BICD2: variants seen among roughly 807,000 people sequenced by gnomAD.
BICD2 encodes the protein protein bicaudal D homolog 2.
BICD2 carries 25 observed loss-of-function variants against 72.9 expected under a neutral mutation model. The ratio of observed to expected loss-of-function variants is 0.34; its 90% CI spans 0.25 to 0.48. BICD2 has a LOEUF of 0.48. BICD2 is among the 20% of genes least tolerant of loss of function. The pLI is 0.99. For missense variants in BICD2, 894 were observed against 1,175.2 expected (o/e 0.76, Z 3.50); for synonymous variants, 501 against 516.1 (o/e 0.97, Z 0.40).
chr9:92,722,580 G>A (rs1035673550), intron 3 of BICD2, 76 bp downstream of exon 3: 5 of 1,590,498 alleles, frequency 3.1e-6, no homozygotes, highest in Non-Finnish European at 4.3e-6. Flanking sequence ...TCCCAACAGG[G>A]AGAGGGGCTG....
At chr9:92,752,794 T>A (rs908929241) in intron 1 of BICD2, among the ~76,000 whole-genome samples, 1 of 152,102 alleles carries the variant, frequency 6.6e-6, no homozygotes, top group African/African-American at 2.4e-5. Flanking sequence ...TGAGTCTACA[T>A]TGATATAATA....
rs756411154 is a variant in BICD2, at chr9:92,718,974, G to C, written c.1671C>G (p.Tyr557Ter). 6.2e-7 allele frequency: 1 copy of C among 1,610,876 alleles called. No homozygotes were observed. Among genetic ancestry groups the C allele is most frequent in the Admixed American group, 1.7e-5 (1 of 60,020 alleles). ...GGCCGGCCCCGCCCTGGCCCTCGCG[G>C]TAGTAGTCCAGCATGACACGGTTGG... ...ETPNRVMLDY[Y>*]REGQGGAGRT... Residue 557 changes from tyrosine (Y) to a stop codon, truncating the protein, a stop_gained, in exon 5 of 7, where the codon TAC (tyrosine) becomes TAG (stop). Transcript: ENST00000356884. LOFTEE classifies it high-confidence loss of function.
chr9:92,718,024 G>A (rs1360380952), intron 5 of BICD2, 76 bp from the exon 6 acceptor site: 15 of 1,528,442 alleles, frequency 9.8e-6, no homozygotes, highest in South Asian at 1.2e-5. Context: ...GCAGGATCGG[G>A]AGCCCCGGTC....
In BICD2 at chr9:92,744,052, C is replaced by A. The variant is rs529509334; in HGVS notation, c.241-14816G>T. Among the ~76,000 whole-genome samples the A allele has an allele frequency of 2.6e-5, 4 of 152,282 alleles. No individual in the cohort carries two copies. The South Asian group carries it at 8.3e-4, about 32-fold the overall frequency. ...CTGCTGTGCTCCTCTAGAAGAAAGC[C>A]TGCCCTATGTCACCCTAGCCAGTCC... On this transcript the variant is annotated intron_variant, in intron 1 of 6. Coordinates refer to ENST00000356884, the MANE Select transcript of BICD2 (RefSeq NM_001003800.2).
chr9:92,714,938 G>A lies in BICD2; in HGVS notation c.*216C>T. Reference sequence around the variant, plus strand: ...CTGACCCCCACCTAAGAGAGCAGCTGAGGACTGGGTGCTCCTGAGGGGGCT... The same window carrying A: ...CTGACCCCCACCTAAGAGAGCAGCTAAGGACTGGGTGCTCCTGAGGGGGCT... On this transcript the variant is annotated 3_prime_UTR_variant, in exon 7 of 7. Coordinates refer to ENST00000356884, the MANE Select transcript of BICD2 (RefSeq NM_001003800.2). The A allele has an allele frequency of 7.3e-7, 1 of 1,377,714 alleles. No homozygotes were observed. The highest frequency in any genetic ancestry group is 3.3e-5 in the Admixed American group (1 of 30,054). 85.3% of individuals were successfully genotyped at this position (1,377,714 alleles called of 1,614,324 possible).
rs1277654035 is a variant in BICD2 at position 92,729,038 on chromosome 9, G to C, written c.439C>G (p.Gln147Glu). 6.2e-7 allele frequency: 1 copy of C among 1,613,934 alleles called. No individual in the cohort carries two copies. Among genetic ancestry groups the C allele is most frequent in the African/African-American group, 1.3e-5 (1 of 74,932 alleles). Residue 147 changes from glutamine to glutamate, a missense_variant, in exon 2 of 7, where the codon CAG (glutamine) becomes GAG (glutamate). Coordinates refer to ENST00000356884, the MANE Select transcript of BICD2 (RefSeq NM_001003800.2). The part of the protein sequence containing the change: ...SENERLASVA[Q>E]ELKEINQNVE... ...CACCCCCTCACCTCCTTCAGCTCCT[G>C]GGCCACAGAGGCCAGGCGCTCATTC... is the stretch of plus-strand genomic sequence containing the variant.
chr9:92,764,422 A>G lies in BICD2; in HGVS notation c.240+83T>C. On this transcript the variant is annotated intron_variant, in intron 1 of 6. Coordinates refer to ENST00000356884, the MANE Select transcript of BICD2 (RefSeq NM_001003800.2). The surrounding 1 kb of genome is among the most constrained non-coding windows in gnomAD (Gnocchi z 5.5). ...CTGCCGGCCCCCGCTTGGCAAGCTG[A>G]CCTTGGCCGCCCTGGTGCCAGGGAC... 7.2e-7 allele frequency: 1 copy of G among 1,381,846 alleles called. No homozygotes were observed. The highest frequency in any genetic ancestry group is 9.3e-7 in the Non-Finnish European group (1 of 1,070,064). The allele number at this position is 1,381,846 out of a possible 1,614,324, so 85.6% of individuals were successfully genotyped here. A position where few individuals can be genotyped will look rare whatever the true frequency, so the allele number is the denominator to read the frequency against.
chr9:92,732,116 GC>G, intron 1 of BICD2, among the ~76,000 whole-genome samples: 1 of 152,330 alleles, frequency 6.6e-6, no homozygotes, highest in Non-Finnish European at 1.5e-5. Context: ...GCAGGCAAAG[GC>G]GCACAAATGA....
intron 1 of BICD2, among the ~76,000 whole-genome samples, chr9:92,749,517 A>G (rs985009776): frequency 7.9e-5 from 12 of 152,236 alleles, no homozygotes; most frequent in African/African-American, 2.9e-4. Flanking sequence ...TGTGAGGCCC[A>G]CATCAATCGG....
intron 1 of BICD2, among the ~76,000 whole-genome samples, chr9:92,751,332 G>T (rs1001739399): frequency 6.3e-4 from 96 of 152,042 alleles, no homozygotes; most frequent in African/African-American, 2.2e-3. Flanking sequence ...TGCATTTTTA[G>T]TAGAGACGGG....
rs1285313794 is a variant in BICD2 at position 92,743,285 on chromosome 9, T to C, written c.241-14049A>G. On this transcript the variant is annotated intron_variant, in intron 1 of 6. Coordinates refer to ENST00000356884, the MANE Select transcript of BICD2 (RefSeq NM_001003800.2). ...ACAGCTCCCTTCAGCCTTAACCTCC[T>C]GGGCCCAAGCAATCCTCCTGCCTCA... 2.6e-5 allele frequency among the ~76,000 whole-genome samples: 4 copies of C among 151,264 alleles called. No individual in the cohort carries two copies. In the East Asian group the frequency reaches 5.9e-4, roughly 22 times the overall value.
rs1853622602 is a variant in BICD2, at chr9:92,728,935, C to G, written c.453+89G>C. The G allele has an allele frequency of 3.4e-6, 5 of 1,451,396 alleles. No homozygotes were observed. The South Asian group carries it at 6.5e-5, about 19-fold the overall frequency. The allele number at this position is 1,451,396 out of a possible 1,614,324, so 89.9% of individuals were successfully genotyped here. On this transcript the variant is annotated intron_variant, in intron 2 of 6. Transcript: ENST00000356884. Reference sequence around the variant, plus strand: ...CAGCTGCAGCGTCCCCAGAGGCCAGCCCAGCCCAGCCACCCACCAGGCACA... The same window carrying G: ...CAGCTGCAGCGTCCCCAGAGGCCAGGCCAGCCCAGCCACCCACCAGGCACA...
In BICD2 at chr9:92,712,978, T is replaced by C. The variant is rs1429013689; in HGVS notation, c.*2176A>G. On this transcript the variant is annotated 3_prime_UTR_variant, in exon 7 of 7. Transcript: ENST00000356884. ...ACGCTATGGAGCACACAGCTCTGCC[T>C]CGTGCTGACACCAGACAAACACGGT... The C allele has an allele frequency of 2.4e-5, 4 of 169,528 alleles. No individual in the cohort carries two copies. The East Asian group carries it at 6.3e-4, about 27-fold the overall frequency. 10.5% of individuals were successfully genotyped at this position (169,528 alleles called of 1,614,324 possible). A position where few individuals can be genotyped will look rare whatever the true frequency, so the allele number is the denominator to read the frequency against.
intron 1 of BICD2, among the ~76,000 whole-genome samples, chr9:92,753,449 A>T (rs554444535): frequency 6.6e-6 from 1 of 152,358 alleles, no homozygotes; most frequent in South Asian, 2.1e-4. Flanking sequence ...GCAACTCTGT[A>T]CTATTTTTCA....
intron 1 of BICD2, among the ~76,000 whole-genome samples, chr9:92,739,011 G>A (rs527879415): frequency 3.6e-5 from 5 of 137,136 alleles, no homozygotes; most frequent in Non-Finnish European, 8.0e-5. Context: ...TCCTGGGAAC[G>A]GCGGGCCTGG....
chr9:92,729,874 G>C (rs1287003103), intron 1 of BICD2, among the ~76,000 whole-genome samples: 1 of 152,256 alleles, frequency 6.6e-6, no homozygotes, highest in Non-Finnish European at 1.5e-5. Context: ...ACGTGGCAAA[G>C]AAGTGCAGGG....
At position 92,713,685 on chromosome 9, in the gene BICD2, C is replaced by A; in HGVS notation, c.*1469G>T. On this transcript the variant is annotated 3_prime_UTR_variant, in exon 7 of 7. Transcript: ENST00000356884. ...AGGCTTGCAAGGAGAGGGCAAAGCGCATGCAGGGTGGGCATGCCAGCAGCC... is the reference window on the plus strand; with the variant it reads ...AGGCTTGCAAGGAGAGGGCAAAGCGAATGCAGGGTGGGCATGCCAGCAGCC... The A allele has an allele frequency of 1.4e-6, 2 of 1,410,938 alleles. No homozygotes were observed. Among genetic ancestry groups the A allele is most frequent in the East Asian group, 2.6e-5 (1 of 37,854 alleles). 87.4% of individuals were successfully genotyped at this position (1,410,938 alleles called of 1,614,324 possible). A position where few individuals can be genotyped will look rare whatever the true frequency, so the allele number is the denominator to read the frequency against.
chr9:92,729,643 G>A (rs1853640636), intron 1 of BICD2, among the ~76,000 whole-genome samples: 1 of 152,236 alleles, frequency 6.6e-6, no homozygotes, highest in Non-Finnish European at 1.5e-5. Context: ...GAAAGGCAGA[G>A]GGAGTCTGTC....
chr9:92,750,182 G>A (rs1016413242), intron 1 of BICD2, among the ~76,000 whole-genome samples: 5 of 152,230 alleles, frequency 3.3e-5, no homozygotes, highest in African/African-American at 1.2e-4. Flanking sequence ...CTGAGGAGAG[G>A]GAACTCTTGT....
Sources: allele counts gnomAD v4.1 joint callset (sites outside exome capture counted in the v4.1 genomes callset), GRCh38; gene constraint gnomAD v4.1.1; non-coding constraint Gnocchi (gnomAD v3.1); transcripts MANE v1.5; gene names NCBI Gene and HGNC (gene_info 2026-07-23, HGNC 2026-07-21).